The following RGS20 variants were observed in gnomAD, a reference collection of about 807,000 sequenced individuals.
RGS20 encodes gz-selective GTPase-activating protein.
RGS20 carries 30 observed loss-of-function variants against 33.6 expected under a neutral mutation model. That is an observed-to-expected ratio of 0.89 (90% CI 0.67 to 1.21). RGS20 has a LOEUF of 1.21. Ranked by LOEUF, RGS20 falls within the 50% of genes most tolerant of loss-of-function variation. The pLI, the probability that RGS20 is intolerant of heterozygous loss-of-function variation, is 0.00. For missense variants in RGS20, 472 were observed against 502.4 expected (o/e 0.94, Z 0.58); for synonymous variants, 208 against 197.9 (o/e 1.05, Z -0.43).
chr8:53,865,782 A>G (rs1408848202), intron 1 of RGS20, among the ~76,000 whole-genome samples: 1 of 151,960 alleles, frequency 6.6e-6, no homozygotes, highest in Non-Finnish European at 1.5e-5. Context: ...AATTTTATCC[A>G]TTTTTAGTGG....
At chr8:53,853,192 G>C (rs1811603323) in intron 1 of RGS20, among the ~76,000 whole-genome samples, 1 of 152,184 alleles carries the variant, frequency 6.6e-6, no homozygotes, top group Non-Finnish European at 1.5e-5. Flanking sequence ...CTACTTTGAG[G>C]AAACAGAGAG....
At chr8:53,860,951 A>G (rs1036994669) in intron 1 of RGS20, among the ~76,000 whole-genome samples, 1 of 151,708 alleles carries the variant, frequency 6.6e-6, no homozygotes, top group African/African-American at 2.4e-5. Context: ...TGGGCAACAG[A>G]GTGAGACCCT....
At chr8:53,899,344 TATGTC>T in intron 2 of RGS20, among the ~76,000 whole-genome samples, 1 of 152,220 alleles carries the variant, frequency 6.6e-6, no homozygotes, top group Non-Finnish European at 1.5e-5. Flanking sequence ...GCAGCTGACT[TATGTC>T]AGGCGAACAA....
chr8:53,852,149 T>C, intron 1 of RGS20: 1 of 1,225,834 alleles, frequency 8.2e-7, no homozygotes, highest in Non-Finnish European at 1.1e-6. Context: ...ACTCAAGCTT[T>C]AGTGCCATTG....
intron 1 of RGS20, among the ~76,000 whole-genome samples, chr8:53,861,116 C>T (rs192415715): frequency 6.6e-6 from 1 of 152,218 alleles, no homozygotes; most frequent in African/African-American, 2.4e-5. Flanking sequence ...GTAGACAGCC[C>T]TGATTTAGAT....
At chr8:53,865,759 A>C (rs1811905639) in intron 1 of RGS20, among the ~76,000 whole-genome samples, 1 of 152,150 alleles carries the variant, frequency 6.6e-6, no homozygotes, top group Admixed American at 6.5e-5. Context: ...GGTGTGCACC[A>C]CCATGCCCAG....
At chr8:53,855,419 G>C (rs190820559) in intron 1 of RGS20, among the ~76,000 whole-genome samples, 2 of 152,170 alleles carry the variant, frequency 1.3e-5, no homozygotes, top group Non-Finnish European at 2.9e-5. Context: ...ATTCATGGTT[G>C]CCAAAGATTA....
chr8:53,934,566 T>C (rs1412223299), intron 2 of RGS20, among the ~76,000 whole-genome samples: 4 of 152,204 alleles, frequency 2.6e-5, no homozygotes, highest in Non-Finnish European at 5.9e-5. Flanking sequence ...ATAACTATCC[T>C]AAACATATAT....
chr8:53,932,636 C>T (rs1814005625), intron 2 of RGS20, among the ~76,000 whole-genome samples: 1 of 152,202 alleles, frequency 6.6e-6, no homozygotes. Flanking sequence ...CAGTCAGGGG[C>T]TTATAGATAA....
chr8:53,950,130 A>G (rs556744083), intron 4 of RGS20, among the ~76,000 whole-genome samples: 349 of 152,226 alleles, frequency 2.3e-3, no homozygotes, highest in African/African-American at 3.1e-3. Flanking sequence ...GTGAGCCACT[A>G]CGCCCAGCGT....
intron 4 of RGS20, among the ~76,000 whole-genome samples, chr8:53,948,335 CAG>C (rs1814598965): frequency 7.2e-6 from 1 of 138,082 alleles, no homozygotes. Flanking sequence ...ATATATAAGA[CAG>C]TATATATTTA....
chr8:53,954,048 T>C (rs1351773150), intron 4 of RGS20, 28 bp from the exon 4 acceptor site: 1 of 1,464,376 alleles, frequency 6.8e-7, no homozygotes, highest in Admixed American at 1.7e-5. Context: ...AGTTCCCTTT[T>C]GCCCCCTCTC....
chr8:53,864,436 A>G lies in RGS20; in HGVS notation c.165+12372A>G, dbSNP rs1234906939. Among the ~76,000 whole-genome samples, 4 of 151,812 alleles carry G rather than the reference A, an allele frequency of 2.6e-5. No homozygotes were observed. In the East Asian group the frequency reaches 7.7e-4, roughly 29 times the overall value. On this transcript the variant is annotated intron_variant, in intron 1 of 5. Coordinates refer to ENST00000297313, the MANE Select transcript of RGS20 (RefSeq NM_170587.4). The stretch of plus-strand genomic sequence containing the variant: ...CGATAGAGCAAGACTCCATGAAAAA[A>G]AAAAAAAAAAAAAAACTCAGATACT...
chr8:53,885,090 AAGG>A (rs780936235), intron 2 of RGS20, among the ~76,000 whole-genome samples: 4 of 152,200 alleles, frequency 2.6e-5, no homozygotes, highest in African/African-American at 4.8e-5. Context: ...AATTACACAG[AAGG>A]AGATTTTATT....
chr8:53,947,167 C>T lies in RGS20; in HGVS notation c.743+419C>T, dbSNP rs553849099. On this transcript the variant is annotated intron_variant, in intron 4 of 5. Coordinates refer to ENST00000297313, the MANE Select transcript of RGS20 (RefSeq NM_170587.4). Reference sequence around the variant, plus strand: ...ATGATATAGTATATATATTTATACACTCTATATAAGATATAGCATATTTAT... The same window carrying T: ...ATGATATAGTATATATATTTATACATTCTATATAAGATATAGCATATTTAT... 4.4e-3 allele frequency among the ~76,000 whole-genome samples: 630 copies of T among 144,082 alleles called. 4 individuals carry two copies. Among genetic ancestry groups the T allele is most frequent in the Middle Eastern group, 0.017 (4 of 234 alleles). 94.5% of individuals were successfully genotyped at this position (144,082 alleles called of 152,430 possible).
At chr8:53,867,986 A>C (rs1425892472) in intron 1 of RGS20, among the ~76,000 whole-genome samples, 1 of 152,094 alleles carries the variant, frequency 6.6e-6, no homozygotes, top group African/African-American at 2.4e-5. Flanking sequence ...CAGCCTCCCA[A>C]AGTGCTGAGA....
chr8:53,859,515 A>T (rs185203510), intron 1 of RGS20, among the ~76,000 whole-genome samples: 1 of 152,312 alleles, frequency 6.6e-6, no homozygotes, highest in Non-Finnish European at 1.5e-5. Context: ...TCCCTGCTGA[A>T]ATCAAGCCAG....
intron 2 of RGS20, among the ~76,000 whole-genome samples, chr8:53,904,385 G>A (rs1406071292): frequency 6.6e-6 from 1 of 152,134 alleles, no homozygotes; most frequent in African/African-American, 2.4e-5. Context: ...TTCTGCCTTG[G>A]CCTCCCAAAG....
intron 2 of RGS20, among the ~76,000 whole-genome samples, chr8:53,898,517 A>T (rs191596533): frequency 1.5e-4 from 23 of 152,306 alleles, no homozygotes; most frequent in Admixed American, 8.5e-4. Context: ...GGAGGATTTA[A>T]ATTCATATCA....
Sources: allele counts gnomAD v4.1 joint callset (sites outside exome capture counted in the v4.1 genomes callset), GRCh38; gene constraint gnomAD v4.1.1; transcripts MANE v1.5; gene names NCBI Gene and HGNC (gene_info 2026-07-23, HGNC 2026-07-21).